MOB3B: variants seen among roughly 807,000 people sequenced by gnomAD.
MOB3B encodes the protein MOB kinase activator-like 2B.
In MOB3B, 7 loss-of-function variants were observed where a neutral mutation model predicts 18.7. The ratio of observed to expected loss-of-function variants is 0.37; its 90% CI spans 0.21 to 0.70. The LOEUF (loss-of-function observed/expected upper bound fraction) is 0.70, where lower values mean the gene tolerates loss of function less well. Among genes scored for constraint, MOB3B ranks in the 30% least tolerant of loss-of-function variants. MOB3B has a pLI of 0.52. For missense variants in MOB3B, 253 were observed against 281.3 expected, an observed-to-expected ratio of 0.90 and a Z score of 0.72; for synonymous variants, 111 against 99.9, an observed-to-expected ratio of 1.11 and a Z score of -0.66.
At chr9:27,442,276 AT>A (rs1319737326) in intron 2 of MOB3B, among the ~76,000 whole-genome samples, 3 of 152,226 alleles carry the variant, frequency 2.0e-5, no homozygotes, top group Admixed American at 2.0e-4. Context: ...ACCACAGAAA[AT>A]TTGAGGAGCA....
chr9:27,507,814 C>A (rs1051229089), intron 1 of MOB3B, among the ~76,000 whole-genome samples: 3 of 152,192 alleles, frequency 2.0e-5, no homozygotes, highest in African/African-American at 7.2e-5. Context: ...CAAATAAAGT[C>A]ATGTTCTACA....
intron 1 of MOB3B, among the ~76,000 whole-genome samples, chr9:27,490,311 G>A (rs1463693139): frequency 2.6e-5 from 4 of 152,124 alleles, no homozygotes; most frequent in Non-Finnish European, 5.9e-5. Flanking sequence ...TCCTAAAGGT[G>A]CTCATGGTTT....
intron 2 of MOB3B, among the ~76,000 whole-genome samples, chr9:27,445,359 C>T (rs1822674185): frequency 6.6e-6 from 1 of 152,068 alleles, no homozygotes; most frequent in Non-Finnish European, 1.5e-5. Context: ...ATAGGGAGAG[C>T]TTACGTAAGG....
chr9:27,468,404 T>C (rs1489555342), intron 1 of MOB3B, among the ~76,000 whole-genome samples: 1 of 152,200 alleles, frequency 6.6e-6, no homozygotes, highest in South Asian at 2.1e-4. Flanking sequence ...TCCACTCAGA[T>C]AAGGCCTCTC....
At chr9:27,512,684 T>C (rs1820164939) in intron 1 of MOB3B, among the ~76,000 whole-genome samples, 1 of 152,204 alleles carries the variant, frequency 6.6e-6, no homozygotes, top group Admixed American at 6.5e-5. Flanking sequence ...GATAGACATT[T>C]CTGAGTTTTT....
chr9:27,527,382 G>C (rs1040669685), intron 1 of MOB3B, among the ~76,000 whole-genome samples: 9 of 151,674 alleles, frequency 5.9e-5, no homozygotes, highest in African/African-American at 1.9e-4. Context: ...TTCTTTTCCT[G>C]GTTCCACCGT....
chr9:27,503,826 T>C (rs896429001), intron 1 of MOB3B, among the ~76,000 whole-genome samples: 6 of 152,224 alleles, frequency 3.9e-5, no homozygotes, highest in Non-Finnish European at 7.3e-5. Context: ...TTTGCCCTCT[T>C]GGGATTGGGC....
chr9:27,517,647 C>CAAA (rs756559270), intron 1 of MOB3B, among the ~76,000 whole-genome samples: 10,495 of 53,400 alleles, frequency 0.2, 2,538 homozygotes, highest in Middle Eastern at 0.3. Flanking sequence ...GACTCTGTCT[C>CAAA]AAAAAAAAAA....
intron 2 of MOB3B, among the ~76,000 whole-genome samples, chr9:27,417,786 G>T (rs948955354): frequency 4.6e-5 from 7 of 152,144 alleles, no homozygotes; most frequent in Admixed American, 3.9e-4. Flanking sequence ...CCTTTGGCCG[G>T]GTGCGGTGGC....
chr9:27,460,818 G>C (rs1223198693), intron 1 of MOB3B, among the ~76,000 whole-genome samples: 1 of 152,198 alleles, frequency 6.6e-6, no homozygotes, highest in Non-Finnish European at 1.5e-5. Context: ...CAGGCACAGA[G>C]CTGACTTAAC....
chr9:27,385,176 T>C (rs370322828), intron 2 of MOB3B, among the ~76,000 whole-genome samples: 20 of 152,358 alleles, frequency 1.3e-4, no homozygotes, highest in Admixed American at 5.2e-4. Flanking sequence ...ACATGTTTTC[T>C]TGCGGAATTT....
intron 1 of MOB3B, among the ~76,000 whole-genome samples, chr9:27,477,215 G>A (rs886078272): frequency 6.6e-6 from 1 of 152,182 alleles, no homozygotes; most frequent in Admixed American, 6.5e-5. Context: ...CTTGCTCACA[G>A]GAGTTGCCTT....
intron 2 of MOB3B, among the ~76,000 whole-genome samples, chr9:27,372,275 A>C (rs374443687): frequency 1.3e-5 from 2 of 152,214 alleles, no homozygotes; most frequent in African/African-American, 4.8e-5. Context: ...CAATCTGAGC[A>C]AAAAAATAGA....
At chr9:27,476,358 G>A (rs1819552555) in intron 1 of MOB3B, among the ~76,000 whole-genome samples, 1 of 152,140 alleles carries the variant, frequency 6.6e-6, no homozygotes, top group Admixed American at 6.5e-5. Context: ...CTTTGTTTCT[G>A]GTGGGGTTTT....
At chr9:27,523,416 AT>A (rs1390558008) in intron 1 of MOB3B, among the ~76,000 whole-genome samples, 1 of 152,018 alleles carries the variant, frequency 6.6e-6, no homozygotes, top group Non-Finnish European at 1.5e-5. Context: ...AGAAGATATA[AT>A]AATCAAGCAA....
chr9:27,402,367 C>T (rs7045713), intron 2 of MOB3B, among the ~76,000 whole-genome samples: 5,498 of 152,206 alleles, frequency 0.036, 307 homozygotes, highest in African/African-American at 0.12. Flanking sequence ...ACACAATGCC[C>T]GGCACAGCAC....
chr9:27,415,845 TC>T (rs1433949750), intron 2 of MOB3B, among the ~76,000 whole-genome samples: 1 of 152,202 alleles, frequency 6.6e-6, no homozygotes, highest in African/African-American at 2.4e-5. Flanking sequence ...TTTCATCACA[TC>T]TGGTTCTAAA....
rs57101091 is a variant in MOB3B at position 27,382,717 on chromosome 9, G to GATATATATATAT, written c.419-23493_419-23482dup. ...CTGGTGTGAAATGAGAGGTGAAGGT[G>GATATATATATAT]ATATATATATATATATATATCCATC... is the stretch of plus-strand genomic sequence containing the variant. On this transcript the variant is annotated intron_variant, in intron 2 of 3. Transcript: ENST00000262244. Among the ~76,000 whole-genome samples, 227 of 148,038 alleles carry GATATATATATAT rather than the reference G, an allele frequency of 1.5e-3. 2 individuals are homozygous for GATATATATATAT. Among genetic ancestry groups the GATATATATATAT allele is most frequent in the South Asian group, 6.4e-3 (29 of 4,530 alleles).
intron 2 of MOB3B, among the ~76,000 whole-genome samples, chr9:27,446,926 C>T (rs891079302): frequency 3.3e-5 from 5 of 152,078 alleles, no homozygotes; most frequent in African/African-American, 1.2e-4. Flanking sequence ...CCTAGAGCAT[C>T]CCATTTATTA....
Sources: allele counts gnomAD v4.1 joint callset (sites outside exome capture counted in the v4.1 genomes callset), GRCh38; gene constraint gnomAD v4.1.1; transcripts MANE v1.5; gene names NCBI Gene and HGNC (gene_info 2026-07-23, HGNC 2026-07-21).